COL4A5: variants seen among roughly 807,000 people sequenced by gnomAD.
The protein encoded by COL4A5 is collagen type IV alpha 5 chain.
In COL4A5, 26 loss-of-function variants were observed where a neutral mutation model predicts 130.2. The ratio of observed to expected loss-of-function variants is 0.20; its 90% CI spans 0.15 to 0.28. The LOEUF (loss-of-function observed/expected upper bound fraction) is 0.28. Ranked by LOEUF, COL4A5 falls within the 10% of genes least tolerant of loss-of-function variation. The probability of loss-of-function intolerance (pLI) is 1.00; values close to 1 mark genes in which losing one functional copy is unlikely to be tolerated. For synonymous variants in COL4A5, 496 were observed against 439.6 expected (o/e 1.13, Z -1.60); for missense variants, 1,131 against 1,344.3 (o/e 0.84, Z 2.48).
chrX:108,619,196 T>G (rs188774907), intron 30 of COL4A5, among the ~76,000 whole-genome samples: 9 of 111,884 alleles, frequency 8.0e-5, no homozygotes, highest in Admixed American at 6.7e-4. Context: ...CAAAGTGGAT[T>G]TTGTCAGTTT....
chrX:108,621,670 G>C, intron 31 of COL4A5, 133 bp from the exon 32 acceptor site: 3 of 516,843 alleles, frequency 5.8e-6, no homozygotes, highest in Non-Finnish European at 1.0e-5. Flanking sequence ...TGGGCACTAT[G>C]GTCAAAAAGT....
chrX:108,495,673 C>T (rs951456672), intron 1 of COL4A5, among the ~76,000 whole-genome samples: 7 of 112,041 alleles, frequency 6.2e-5, no homozygotes, highest in African/African-American at 2.3e-4. Context: ...ATAATTGTGT[C>T]TCATCAAAGG....
At chrX:108,550,448 A>G (rs1424616642) in intron 2 of COL4A5, among the ~76,000 whole-genome samples, 2 of 112,188 alleles carry the variant, frequency 1.8e-5, no homozygotes, top group African/African-American at 3.2e-5. Context: ...TAAACCCCCA[A>G]TAATTATCTT....
chrX:108,528,102 T>G (rs1462276356), intron 1 of COL4A5, among the ~76,000 whole-genome samples: 5 of 111,734 alleles, frequency 4.5e-5, no homozygotes, highest in Non-Finnish European at 9.4e-5. Context: ...CCAGTGCCAG[T>G]GTAAAATGCT....
At chrX:108,514,283 G>C (rs1317046402) in intron 1 of COL4A5, among the ~76,000 whole-genome samples, 5 of 112,279 alleles carry the variant, frequency 4.5e-5, no homozygotes, top group Non-Finnish European at 7.5e-5. Flanking sequence ...AGCATTTTCA[G>C]CTTGTTTATC....
At chrX:108,671,072 C>A (rs370763453) in intron 42 of COL4A5, among the ~76,000 whole-genome samples, 1 of 110,695 alleles carries the variant, frequency 9.0e-6, no homozygotes, top group Non-Finnish European at 1.9e-5. Context: ...GCACAGATTA[C>A]GAGGTTCTTA....
chrX:108,596,987 G>T lies in COL4A5; in HGVS notation c.1517-11G>T, dbSNP rs1274339879. ...TGTGTGTGTGTGTTTGTTTGTGTGT[G>T]TGTGTGTTAGGATCTCTTGGTTTCC... On this transcript the variant is annotated splice_polypyrimidine_tract_variant and intron_variant, in intron 22 of 52. Transcript: ENST00000328300. 7.7e-6 allele frequency: 9 copies of T among 1,170,434 alleles called. No individual in the cohort carries two copies. Among genetic ancestry groups the T allele is most frequent in the Non-Finnish European group, 1.0e-5 (9 of 872,830 alleles).
intron 44 of COL4A5, among the ~76,000 whole-genome samples, chrX:108,678,610 A>T (rs1397933330): frequency 9.0e-6 from 1 of 111,504 alleles, no homozygotes; most frequent in Non-Finnish European, 1.9e-5. Context: ...TGCAGCCTGT[A>T]ATCCTAGCAA....
At chrX:108,535,556 G>T (rs1042272857) in intron 1 of COL4A5, among the ~76,000 whole-genome samples, 1 of 111,060 alleles carries the variant, frequency 9.0e-6, no homozygotes, top group African/African-American at 3.3e-5. Context: ...TGGCCAGTTT[G>T]TGGTGAGTTT....
At position 108,530,086 on chromosome X, in the gene COL4A5, A is replaced by T. The variant is rs751867548; in HGVS notation, c.82-9660A>T. Among the ~76,000 whole-genome samples, 4 of 111,475 alleles carry T rather than the reference A, an allele frequency of 3.6e-5. No individual in the cohort carries two copies. In the East Asian group the frequency reaches 8.5e-4, roughly 24 times the overall value. ...AGACATTTACAAAACATCCTACCCAACAACTGCAGGTTATACATCCTGCAG... is the reference window on the plus strand; with the variant it reads ...AGACATTTACAAAACATCCTACCCATCAACTGCAGGTTATACATCCTGCAG... On this transcript the variant is annotated intron_variant, in intron 1 of 52. Transcript: ENST00000328300.
chrX:108,648,192 A>G (rs1300957426), intron 36 of COL4A5, among the ~76,000 whole-genome samples: 2 of 110,948 alleles, frequency 1.8e-5, no homozygotes, highest in Non-Finnish European at 3.8e-5. Flanking sequence ...AAACCCTCCC[A>G]TCTTAAATCA....
Position 108,674,744 on chromosome X carries a change from G to A in COL4A5, c.3800-1G>A, listed in dbSNP as rs956844630. 1.7e-6 allele frequency: 2 copies of A among 1,194,552 alleles called. No individual in the cohort carries two copies. The highest frequency in any genetic ancestry group is 2.3e-6 in the Non-Finnish European group (2 of 887,027). On this transcript the variant is annotated splice_acceptor_variant, in intron 42 of 52. Coordinates refer to ENST00000328300, the MANE Select transcript of COL4A5 (RefSeq NM_033380.3). LOFTEE classifies it high-confidence loss of function. ...GCTTTGGTGAACTCTGATCTTCCCA[G>A]GTTTTCAAGGTTAGACTCTTCACTG...
At chrX:108,457,012 G>A (rs1310734221) in intron 1 of COL4A5, among the ~76,000 whole-genome samples, 1 of 111,569 alleles carries the variant, frequency 9.0e-6, no homozygotes, top group Non-Finnish European at 1.9e-5. Context: ...TCACTGACAA[G>A]GGAGCCCCAA....
chrX:108,694,970 C>A, intron 51 of COL4A5, 49 bp downstream of exon 51: 2 of 943,797 alleles, frequency 2.1e-6, no homozygotes, highest in Admixed American at 2.2e-5. Flanking sequence ...ACTGTCCATT[C>A]CATCTACATT....
At chrX:108,486,620 T>G (rs2064947653) in intron 1 of COL4A5, among the ~76,000 whole-genome samples, 1 of 111,433 alleles carries the variant, frequency 9.0e-6, no homozygotes, top group African/African-American at 3.3e-5. Context: ...TTCTTATGCC[T>G]TTGCGTCCTC....
At chrX:108,565,195 G>C (rs1280236688) in intron 4 of COL4A5, among the ~76,000 whole-genome samples, 1 of 111,200 alleles carries the variant, frequency 9.0e-6, no homozygotes, top group Non-Finnish European at 1.9e-5. Flanking sequence ...AAGAGTGCTT[G>C]GGAATAGGTG....
chrX:108,526,624 CT>C (rs1392178498), intron 1 of COL4A5, among the ~76,000 whole-genome samples: 29 of 53,180 alleles, frequency 5.5e-4, no homozygotes, highest in African/African-American at 3.4e-3. Context: ...TTCTTTCTTT[CT>C]TTCTTTCTTT....
At chrX:108,579,268 C>T (rs1391016981) in intron 13 of COL4A5, among the ~76,000 whole-genome samples, 1 of 112,353 alleles carries the variant, frequency 8.9e-6, no homozygotes, top group African/African-American at 3.2e-5. Context: ...TGGAATCATA[C>T]AATATGTGGT....
chrX:108,552,320 A>G (rs1189285345), intron 2 of COL4A5, among the ~76,000 whole-genome samples: 1 of 112,447 alleles, frequency 8.9e-6, no homozygotes, highest in African/African-American at 3.2e-5. Flanking sequence ...GCATGTATCA[A>G]TAGTTATTTC....
Sources: gnomAD v4.1 joint callset for allele counts (sites outside exome capture counted in the v4.1 genomes callset) on GRCh38, gnomAD v4.1.1 for gene constraint, MANE v1.5 for transcripts, NCBI Gene and HGNC (gene_info 2026-07-23, HGNC 2026-07-21) for gene names.